TTLL11: variants seen among roughly 807,000 people sequenced by gnomAD.
TTLL11 encodes the protein tubulin tyrosine ligase like 11.
A neutral mutation model predicts 51.7 loss-of-function variants in TTLL11; 42 were observed. That is an observed-to-expected ratio of 0.81 (90% CI 0.64 to 1.05). TTLL11 has a LOEUF of 1.05. Ranked by LOEUF, TTLL11 falls within the 50% of genes least tolerant of loss-of-function variation. The probability of loss-of-function intolerance (pLI) is 0.00; values close to 1 mark genes in which losing one functional copy is unlikely to be tolerated. For synonymous variants in TTLL11, 381 were observed against 383.5 expected, an observed-to-expected ratio of 0.99 and a Z score of 0.08; for missense variants, 799 against 940.4, an observed-to-expected ratio of 0.85 and a Z score of 1.97.
intron 8 of TTLL11, among the ~76,000 whole-genome samples, chr9:121,834,284 G>A (rs557177333): frequency 1.6e-4 from 25 of 152,238 alleles, no homozygotes; most frequent in African/African-American, 5.5e-4. Flanking sequence ...CTGGGGTCTC[G>A]AAGGACTCTA....
intron 8 of TTLL11, among the ~76,000 whole-genome samples, chr9:121,857,749 C>T (rs974942844): frequency 6.6e-6 from 1 of 152,152 alleles, no homozygotes; most frequent in African/African-American, 2.4e-5. Context: ...AAAACCTCAC[C>T]GGAGCTTGAA....
intron 3 of TTLL11, among the ~76,000 whole-genome samples, chr9:121,999,921 C>T: frequency 6.6e-6 from 1 of 152,226 alleles, no homozygotes; most frequent in African/African-American, 2.4e-5. Context: ...CCAAAGGCCA[C>T]ACTTTTTCTG....
intron 7 of TTLL11, among the ~76,000 whole-genome samples, chr9:121,861,087 GTTTTTT>G (rs11310991): frequency 7.6e-6 from 1 of 131,000 alleles, no homozygotes; most frequent in Admixed American, 7.5e-5. Flanking sequence ...CAAGGCAAGT[GTTTTTT>G]TTTTTTTTTT....
At chr9:121,938,391 G>A (rs895247454) in intron 6 of TTLL11, among the ~76,000 whole-genome samples, 9 of 151,326 alleles carry the variant, frequency 5.9e-5, no homozygotes, top group Non-Finnish European at 1.0e-4. Context: ...AAGGTATAAG[G>A]ACTAAAAAGG....
intron 1 of TTLL11, among the ~76,000 whole-genome samples, chr9:122,049,022 A>G (rs1025732840): frequency 9.9e-5 from 15 of 151,906 alleles, no homozygotes; most frequent in Non-Finnish European, 2.1e-4. Flanking sequence ...AAAAAAAAAA[A>G]GCACGCACAT....
rs76539166 is a variant in TTLL11 at position 121,988,433 on chromosome 9, C to T, written c.1269+762G>A. Among the ~76,000 whole-genome samples, 1,272 of 152,130 alleles carry T rather than the reference C, an allele frequency of 8.4e-3. 20 individuals carry two copies. The highest frequency in any genetic ancestry group is 0.029 in the African/African-American group (1,199 of 41,468). ...CCACCTCACCTTCCCTCATCTCCCC[C>T]GCATCTCTGCCTTAAACCCCACCCA... On this transcript the variant is annotated intron_variant, in intron 4 of 8. Transcript: ENST00000321582.
chr9:122,031,608 C>A, intron 3 of TTLL11, 115 bp downstream of exon 3: 2 of 1,289,286 alleles, frequency 1.6e-6, no homozygotes, highest in Admixed American at 4.5e-5. Flanking sequence ...TGTTAAGATG[C>A]TCCCTTAGTC....
intron 6 of TTLL11, among the ~76,000 whole-genome samples, chr9:121,919,738 A>T (rs1002460676): frequency 5.9e-5 from 9 of 152,032 alleles, no homozygotes; most frequent in African/African-American, 2.2e-4. Context: ...TAAGCCAGGT[A>T]CAGCAGCTCA....
At chr9:121,960,651 C>T (rs965872575) in intron 6 of TTLL11, among the ~76,000 whole-genome samples, 1 of 152,224 alleles carries the variant, frequency 6.6e-6, no homozygotes, top group Non-Finnish European at 1.5e-5. Flanking sequence ...AGCACTCATT[C>T]ATGCACGTAT....
At chr9:122,046,319 A>T (rs1182960762) in intron 1 of TTLL11, among the ~76,000 whole-genome samples, 1 of 151,950 alleles carries the variant, frequency 6.6e-6, no homozygotes, top group African/African-American at 2.4e-5. Flanking sequence ...GCCATGTAAG[A>T]CACCTCCTTC....
At chr9:121,905,888 G>T (rs1433424345) in intron 6 of TTLL11, among the ~76,000 whole-genome samples, 2 of 152,050 alleles carry the variant, frequency 1.3e-5, no homozygotes, top group Non-Finnish European at 2.9e-5. Context: ...ACATTTTAAG[G>T]CCCTTGATAT....
chr9:121,847,703 T>A (rs1042176461), intron 8 of TTLL11, among the ~76,000 whole-genome samples: 4 of 152,224 alleles, frequency 2.6e-5, no homozygotes, highest in Non-Finnish European at 5.9e-5. Context: ...TAGCTTCATT[T>A]GGTGAGTTCT....
At chr9:122,066,112 A>G (rs903386186) in intron 1 of TTLL11, among the ~76,000 whole-genome samples, 1 of 152,036 alleles carries the variant, frequency 6.6e-6, no homozygotes. Flanking sequence ...TAAGAACTGA[A>G]TGCATGTTCC....
intron 6 of TTLL11, among the ~76,000 whole-genome samples, chr9:121,905,465 C>A (rs1839912086): frequency 6.6e-6 from 1 of 151,954 alleles, no homozygotes; most frequent in African/African-American, 2.4e-5. Context: ...TATTCTCATG[C>A]CTCAGCCTCC....
intron 8 of TTLL11, among the ~76,000 whole-genome samples, chr9:121,848,056 A>C (rs1306343600): frequency 6.6e-6 from 1 of 152,078 alleles, no homozygotes; most frequent in Non-Finnish European, 1.5e-5. Context: ...TTTAAAAATA[A>C]ATTAGCCAGG....
intron 3 of TTLL11, among the ~76,000 whole-genome samples, chr9:122,023,962 A>G (rs1416494899): frequency 6.6e-6 from 1 of 152,112 alleles, no homozygotes; most frequent in East Asian, 1.9e-4. Flanking sequence ...AGCCAGTGCC[A>G]TAAGGCAAGA....
At position 121,965,551 on chromosome 9, in the gene TTLL11, G is replaced by A. The variant is rs1187864737; in HGVS notation, c.1481+8458C>T. Among the ~76,000 whole-genome samples the A allele has an allele frequency of 2.0e-5, 3 of 152,150 alleles. No individual in the cohort carries two copies. In the East Asian group the frequency reaches 5.8e-4, roughly 29 times the overall value. Reference sequence around the variant, plus strand: ...GATTACAATCCGAGATGAGATTTGGGTAGGGACACAGAGCCAAACCATATC... The same window carrying A: ...GATTACAATCCGAGATGAGATTTGGATAGGGACACAGAGCCAAACCATATC... On this transcript the variant is annotated intron_variant, in intron 6 of 8. Transcript: ENST00000321582.
intron 1 of TTLL11, among the ~76,000 whole-genome samples, chr9:122,049,176 A>C (rs1156805540): frequency 6.6e-6 from 1 of 152,222 alleles, no homozygotes; most frequent in Non-Finnish European, 1.5e-5. Flanking sequence ...AATACATGTC[A>C]TCATCATCAC....
intron 6 of TTLL11, among the ~76,000 whole-genome samples, chr9:121,950,989 A>G (rs933941655): frequency 6.6e-6 from 1 of 152,192 alleles, no homozygotes; most frequent in African/African-American, 2.4e-5. Context: ...TGCAGAGTGA[A>G]GCCACAGCCC....
Sources: gnomAD v4.1 joint callset for allele counts (sites outside exome capture counted in the v4.1 genomes callset) on GRCh38, gnomAD v4.1.1 for gene constraint, MANE v1.5 for transcripts, NCBI Gene and HGNC (gene_info 2026-07-23, HGNC 2026-07-21) for gene names.